The following CWC27 variants were observed in gnomAD, a reference collection of about 807,000 sequenced individuals.
CWC27 encodes spliceosome-associated protein CWC27 homolog.
A neutral mutation model predicts 63.6 loss-of-function variants in CWC27; 47 were observed. The observed-to-expected ratio is 0.74, with a 90% CI of 0.58 to 0.94. CWC27 has a LOEUF of 0.94. Among genes scored for constraint, CWC27 ranks in the 40% least tolerant of loss-of-function variants. The pLI is 0.00. For synonymous variants in CWC27, 175 were observed against 179.8 expected (o/e 0.97, Z 0.22); for missense variants, 495 against 554.3 (o/e 0.89, Z 1.07).
At chr5:64,927,287 AC>A (rs1186144047) in intron 11 of CWC27, among the ~76,000 whole-genome samples, 1 of 152,108 alleles carries the variant, frequency 6.6e-6, no homozygotes, top group Admixed American at 6.6e-5. Context: ...ACATTACTAA[AC>A]TCTCAAAGCT....
At chr5:64,963,590 A>T (rs1748959280) in intron 11 of CWC27, among the ~76,000 whole-genome samples, 1 of 152,184 alleles carries the variant, frequency 6.6e-6, no homozygotes. Context: ...GAAATAGAAG[A>T]CCAGTTTTTT....
rs556566266 is a variant in CWC27, at chr5:64,939,951, G to A, written c.1043-31752G>A. Among the ~76,000 whole-genome samples the A allele has an allele frequency of 5.3e-5, 8 of 152,278 alleles. No individual in the cohort carries two copies. The South Asian group carries it at 1.0e-3, about 20-fold the overall frequency. On this transcript the variant is annotated intron_variant, in intron 11 of 13. Coordinates refer to ENST00000381070, the MANE Select transcript of CWC27 (RefSeq NM_005869.4). ...ACCGCCTACTCAAGCCTCAGTAATG[G>A]TACACGTCCCTTCCCCCACCAAGCT...
At chr5:65,004,251 A>C (rs192933644) in intron 13 of CWC27, among the ~76,000 whole-genome samples, 1 of 151,946 alleles carries the variant, frequency 6.6e-6, no homozygotes, top group Non-Finnish European at 1.5e-5. Context: ...TGTAAGACTT[A>C]TGAGTTTTTC....
chr5:64,947,683 T>C (rs1580743571), intron 11 of CWC27, among the ~76,000 whole-genome samples: 1 of 152,230 alleles, frequency 6.6e-6, no homozygotes, highest in African/African-American at 2.4e-5. Context: ...TTCAGCATAA[T>C]GGTGATCTTC....
At chr5:64,987,312 T>A (rs1318935330) in intron 13 of CWC27, among the ~76,000 whole-genome samples, 2 of 152,322 alleles carry the variant, frequency 1.3e-5, no homozygotes, top group East Asian at 3.9e-4. Context: ...AGAGTTAATA[T>A]TTTATCATTT....
chr5:64,790,131 T>A (rs1028848947), intron 7 of CWC27, among the ~76,000 whole-genome samples: 8 of 152,114 alleles, frequency 5.3e-5, no homozygotes, highest in African/African-American at 1.7e-4. Flanking sequence ...TATCCTTGAG[T>A]GATGTATTTG....
intron 11 of CWC27, among the ~76,000 whole-genome samples, chr5:64,962,288 AG>A (rs1346668737): frequency 6.6e-6 from 1 of 152,226 alleles, no homozygotes; most frequent in Admixed American, 6.5e-5. Flanking sequence ...ATACTTAGCT[AG>A]GCTTGAGGAA....
chr5:64,989,724 A>G (rs899172837), intron 13 of CWC27, among the ~76,000 whole-genome samples: 3 of 152,222 alleles, frequency 2.0e-5, no homozygotes, highest in African/African-American at 7.2e-5. Context: ...TTGGAGACTC[A>G]GGATGGCAGA....
chr5:64,949,802 T>A lies in CWC27; in HGVS notation c.1043-21901T>A, dbSNP rs147915780. Among the ~76,000 whole-genome samples the A allele has an allele frequency of 4.3e-3, 656 of 152,128 alleles. 6 individuals are homozygous for A. Among genetic ancestry groups the A allele is most frequent in the African/African-American group, 0.015 (624 of 41,554 alleles). ...GAATATTACCTCAATATTCAAGTAGTTGTTTAAGATCATTTCTCTAAGATT... is the reference window on the plus strand; with the variant it reads ...GAATATTACCTCAATATTCAAGTAGATGTTTAAGATCATTTCTCTAAGATT... On this transcript the variant is annotated intron_variant, in intron 11 of 13. Transcript: ENST00000381070.
chr5:64,813,824 C>A (rs1295041302), intron 10 of CWC27, among the ~76,000 whole-genome samples: 1 of 152,148 alleles, frequency 6.6e-6, no homozygotes, highest in East Asian at 1.9e-4. Context: ...AGAAGGGCCA[C>A]TGAAGAAGTA....
chr5:64,769,008 G>A lies in CWC27; in HGVS notation c.-139G>A. On this transcript the variant is annotated 5_prime_UTR_variant, in exon 1 of 14. Coordinates refer to ENST00000381070, the MANE Select transcript of CWC27 (RefSeq NM_005869.4). ...GGCAGGGGTAGTGTTTGGTGTCCCT[G>A]TCTTGCGTGATATTGACAAACTGAA... The A allele has an allele frequency of 2.8e-6, 2 of 715,798 alleles. No individual in the cohort carries two copies. The highest frequency in any genetic ancestry group is 2.5e-6 in the Non-Finnish European group (1 of 407,714). The allele number at this position is 715,798 out of a possible 1,614,324, so 44.3% of individuals were successfully genotyped here.
chr5:65,007,003 AAAG>A, intron 13 of CWC27, among the ~76,000 whole-genome samples: 2 of 149,322 alleles, frequency 1.3e-5, no homozygotes, highest in African/African-American at 2.5e-5. Context: ...AGAAAGAAAG[AAAG>A]AAAGAAAGAA....
intron 11 of CWC27, among the ~76,000 whole-genome samples, chr5:64,894,223 T>G (rs1472678785): frequency 2.6e-5 from 4 of 152,082 alleles, no homozygotes; most frequent in Middle Eastern, 3.2e-3. Flanking sequence ...CCACCGCGCC[T>G]GGCCCCTCCA....
rs796967067 is a variant in CWC27, at chr5:64,825,277, C to A, written c.938+20891C>A. Among the ~76,000 whole-genome samples, 79 of 152,196 alleles carry A rather than the reference C, an allele frequency of 5.2e-4. 1 individual carries two copies. Among genetic ancestry groups the A allele is most frequent in the African/African-American group, 1.8e-3 (74 of 41,524 alleles). ...CTTATAGTTTTGCATGTCTCTTCCC[C>A]AACTATTTGACACTGGGTGTTCTTT... On this transcript the variant is annotated intron_variant, in intron 10 of 13. Coordinates refer to ENST00000381070, the MANE Select transcript of CWC27 (RefSeq NM_005869.4).
chr5:65,014,346 AGCTATAT>A (rs1580783077), intron 13 of CWC27, among the ~76,000 whole-genome samples: 2 of 148,070 alleles, frequency 1.4e-5, no homozygotes, highest in Non-Finnish European at 3.0e-5. Flanking sequence ...TATAATATAT[AGCTATAT>A]ATTATATATA....
At chr5:64,845,119 C>G in intron 10 of CWC27, 1 of 421,894 alleles carries the variant, frequency 2.4e-6, no homozygotes, top group Non-Finnish European at 4.8e-6. Flanking sequence ...TATCCAGCAG[C>G]CCCATGTAAC....
chr5:64,842,453 G>A lies in CWC27; in HGVS notation c.938+38067G>A, dbSNP rs373355106. Among the ~76,000 whole-genome samples, 16 of 151,876 alleles carry A rather than the reference G, an allele frequency of 1.1e-4. 1 individual carries two copies. The highest frequency in any genetic ancestry group is 1.0e-3 in the South Asian group (5 of 4,808). On this transcript the variant is annotated intron_variant, in intron 10 of 13. Coordinates refer to ENST00000381070, the MANE Select transcript of CWC27 (RefSeq NM_005869.4). ...TGAGTAGCTGAGACTGCAGGCACCCGCCACCATGCTGGCTAATTTTTTGTA... is the reference window on the plus strand; with the variant it reads ...TGAGTAGCTGAGACTGCAGGCACCCACCACCATGCTGGCTAATTTTTTGTA...
chr5:64,855,826 G>GTTACCAAATAAAAAA (rs1435146574), intron 10 of CWC27, among the ~76,000 whole-genome samples: 2 of 152,054 alleles, frequency 1.3e-5, no homozygotes, highest in African/African-American at 4.8e-5. Flanking sequence ...AAATACATGG[G>GTTACCAAATAAAAAA]AATAACCTTT....
chr5:64,990,170 A>T (rs1468825336), intron 13 of CWC27, among the ~76,000 whole-genome samples: 2 of 151,680 alleles, frequency 1.3e-5, no homozygotes, highest in African/African-American at 4.8e-5. Flanking sequence ...ACTTTTGGAG[A>T]GTAATATTTT....
Sources: allele counts gnomAD v4.1 joint callset (sites outside exome capture counted in the v4.1 genomes callset), GRCh38; gene constraint gnomAD v4.1.1; transcripts MANE v1.5; gene names NCBI Gene and HGNC (gene_info 2026-07-23, HGNC 2026-07-21).